Variants in FSTL4 observed in about 807,000 individuals in gnomAD.
FSTL4 encodes follistatin like 4.
FSTL4 carries 28 observed loss-of-function variants against 78.2 expected under a neutral mutation model. The ratio of observed to expected loss-of-function variants is 0.36; its 90% CI spans 0.27 to 0.49. The LOEUF (loss-of-function observed/expected upper bound fraction) is 0.49. Ranked by LOEUF, FSTL4 falls within the 20% of genes least tolerant of loss-of-function variation. FSTL4 has a pLI of 0.98. For synonymous variants in FSTL4, 422 were observed against 440.5 expected (o/e 0.96, Z 0.53); for missense variants, 922 against 1,084.9 (o/e 0.85, Z 2.11).
chr5:133,785,265 G>A, the FSTL4 span, among the ~76,000 whole-genome samples: 3 of 152,314 alleles, frequency 2.0e-5, no homozygotes, highest in East Asian at 5.8e-4. Flanking sequence ...AAGGACAGGT[G>A]GGCCTAAAAC....
At chr5:133,594,421 G>A (rs1760699607) in intron 2 of FSTL4, among the ~76,000 whole-genome samples, 1 of 152,254 alleles carries the variant, frequency 6.6e-6, no homozygotes, top group Non-Finnish European at 1.5e-5. Flanking sequence ...TCGGACTCCT[G>A]ACCTCAGGTG....
intron 3 of FSTL4, among the ~76,000 whole-genome samples, chr5:133,430,249 C>T (rs998832903): frequency 6.6e-6 from 1 of 152,224 alleles, no homozygotes; most frequent in African/African-American, 2.4e-5. Context: ...ACCTGCTGTT[C>T]ATGTGTACCT....
chr5:133,297,736 A>G (rs1415382142), intron 6 of FSTL4, among the ~76,000 whole-genome samples: 1 of 152,230 alleles, frequency 6.6e-6, no homozygotes, highest in Non-Finnish European at 1.5e-5. Context: ...TGAAGTCTCA[A>G]GAAGTGCTTG....
chr5:133,398,544 C>T (rs1756132004), intron 4 of FSTL4, among the ~76,000 whole-genome samples: 1 of 152,230 alleles, frequency 6.6e-6, no homozygotes, highest in Non-Finnish European at 1.5e-5. Flanking sequence ...ACAGTTTGTG[C>T]ATCTCTCTAC....
At chr5:133,802,823 C>T in the FSTL4 span, among the ~76,000 whole-genome samples, 2 of 152,236 alleles carry the variant, frequency 1.3e-5, no homozygotes, top group Non-Finnish European at 1.5e-5. Context: ...AGGTGGGCAG[C>T]TGTGCCCAGC....
chr5:133,223,067 A>G (rs1561627716), intron 11 of FSTL4, among the ~76,000 whole-genome samples: 1 of 152,166 alleles, frequency 6.6e-6, no homozygotes, highest in Non-Finnish European at 1.5e-5. Context: ...CATTCGTGGT[A>G]GGTCTCTACT....
At chr5:133,724,655 T>C in the FSTL4 span, among the ~76,000 whole-genome samples, 6 of 152,334 alleles carry the variant, frequency 3.9e-5, no homozygotes, top group Non-Finnish European at 8.8e-5. Context: ...TGAAAATACA[T>C]TCTCTCAATC....
At chr5:133,626,649 A>T in the FSTL4 span, among the ~76,000 whole-genome samples, 1 of 151,618 alleles carries the variant, frequency 6.6e-6, no homozygotes, top group African/African-American at 2.4e-5. Flanking sequence ...TGACCCATGG[A>T]TTATTTAGAA....
the FSTL4 span, among the ~76,000 whole-genome samples, chr5:133,774,361 C>A: frequency 1.3e-5 from 2 of 152,112 alleles, no homozygotes; most frequent in Non-Finnish European, 2.9e-5. Flanking sequence ...TGTCTGAAGA[C>A]ATTTTGGGTT....
chr5:133,238,585 CAT>C (rs748787566), intron 7 of FSTL4, among the ~76,000 whole-genome samples: 1 of 152,224 alleles, frequency 6.6e-6, no homozygotes, highest in Non-Finnish European at 1.5e-5. Context: ...CGAGTGTGCA[CAT>C]GTGGGTGAGC....
the FSTL4 span, among the ~76,000 whole-genome samples, chr5:133,661,565 T>G: frequency 3.3e-5 from 5 of 152,218 alleles, no homozygotes; most frequent in East Asian, 9.6e-4. Context: ...CAGCCTAACC[T>G]CATAGTGGCA....
chr5:133,312,440 A>G lies in FSTL4; in HGVS notation c.727+214T>C, dbSNP rs192198075. 172 of 571,876 alleles carry G rather than the reference A, an allele frequency of 3.0e-4. 1 individual carries two copies. The highest frequency in any genetic ancestry group is 4.8e-4 in the Non-Finnish European group (154 of 323,056). The allele number at this position is 571,876 out of a possible 1,614,324, so 35.4% of individuals were successfully genotyped here. On this transcript the variant is annotated intron_variant, in intron 6 of 15. Coordinates refer to ENST00000265342, the MANE Select transcript of FSTL4 (RefSeq NM_015082.2). ...TCAAAGAGCGAGAAAAATCTTTATT[A>G]AAAAGGAACAGGGCAAGCCCTCTCT...
the FSTL4 span, among the ~76,000 whole-genome samples, chr5:133,658,024 G>A: frequency 6.6e-6 from 1 of 151,760 alleles, no homozygotes; most frequent in East Asian, 1.9e-4. Context: ...ACTTTCTCAG[G>A]TATTTCATTT....
chr5:133,789,321 G>A, the FSTL4 span, among the ~76,000 whole-genome samples: 1 of 152,182 alleles, frequency 6.6e-6, no homozygotes, highest in Non-Finnish European at 1.5e-5. Flanking sequence ...ATGGTATGGA[G>A]ATGACTTTGA....
intron 3 of FSTL4, among the ~76,000 whole-genome samples, chr5:133,557,195 T>A (rs1395516036): frequency 6.6e-6 from 1 of 152,190 alleles, no homozygotes; most frequent in Non-Finnish European, 1.5e-5. Context: ...TCACACTCTG[T>A]TAGAAGCTTC....
At chr5:133,382,972 G>A (rs552340615) in intron 4 of FSTL4, among the ~76,000 whole-genome samples, 7 of 152,250 alleles carry the variant, frequency 4.6e-5, no homozygotes, top group South Asian at 2.1e-4. Flanking sequence ...GGAACAGAGC[G>A]TGCAACTGCC....
chr5:133,724,790 C>G, the FSTL4 span, among the ~76,000 whole-genome samples: 1 of 152,126 alleles, frequency 6.6e-6, no homozygotes, highest in Non-Finnish European at 1.5e-5. Context: ...GAATCTCTGC[C>G]TATCCGAAAG....
At chr5:133,834,316 C>CA in the FSTL4 span, among the ~76,000 whole-genome samples, 11 of 151,230 alleles carry the variant, frequency 7.3e-5, no homozygotes, top group African/African-American at 2.2e-4. Flanking sequence ...CTGTTTTTTT[C>CA]AAAAAAATGG....
chr5:133,770,164 T>C, the FSTL4 span, among the ~76,000 whole-genome samples: 2 of 152,184 alleles, frequency 1.3e-5, no homozygotes, highest in Admixed American at 1.3e-4. Flanking sequence ...ATTCCATATC[T>C]TTCCTATTGT....
Sources: gnomAD v4.1 joint callset for allele counts (sites outside exome capture counted in the v4.1 genomes callset) on GRCh38, gnomAD v4.1.1 for gene constraint, MANE v1.5 for transcripts, NCBI Gene and HGNC (gene_info 2026-07-23, HGNC 2026-07-21) for gene names.